The following TUSC3 variants were observed in gnomAD, a reference collection of about 807,000 sequenced individuals.
TUSC3 encodes tumor suppressor candidate 3, also known as dolichyl-diphosphooligosaccharide--protein glycosyltransferase subunit TUSC3.
A neutral mutation model predicts 44.8 loss-of-function variants in TUSC3; 45 were observed. The observed-to-expected ratio is 1.00, with a 90% CI of 0.79 to 1.29. TUSC3 has a LOEUF of 1.29. Among genes scored for constraint, TUSC3 ranks in the 50% most tolerant of loss-of-function variants. TUSC3 has a pLI of 0.00. For synonymous variants in TUSC3, 212 were observed against 152.9 expected (o/e 1.39, Z -2.85); for missense variants, 519 against 437.9 (o/e 1.19, Z -1.65).
chr8:15,444,836 C>A lies in TUSC3; in HGVS notation n.91+27531C>A, dbSNP rs189782352. Reference sequence around the variant, plus strand: ...GTGAGGCAAGTGGATACTATTTCTTCTTTCCCTCATCTTTCCATTTGTTGG... The same window carrying A: ...GTGAGGCAAGTGGATACTATTTCTTATTTCCCTCATCTTTCCATTTGTTGG... On this transcript the variant is annotated intron_variant and non_coding_transcript_variant, in intron 1 of 5. Coordinates refer to the TUSC3 transcript ENST00000503191. Among the ~76,000 whole-genome samples, 543 of 152,288 alleles carry A rather than the reference C, an allele frequency of 3.6e-3. 2 individuals are homozygous for A. Among genetic ancestry groups the A allele is most frequent in the Non-Finnish European group, 6.3e-3 (430 of 68,026 alleles).
At chr8:15,455,007 A>T (rs1412227647) in intron 1 of TUSC3, among the ~76,000 whole-genome samples, 2 of 152,284 alleles carry the variant, frequency 1.3e-5, no homozygotes, top group South Asian at 2.1e-4. Flanking sequence ...ACCATGGGGA[A>T]TCTTAGGGGT....
At chr8:15,536,341 A>T (rs1346724033), upstream of TUSC3, among the ~76,000 whole-genome samples, 1 of 152,166 alleles carries the variant, frequency 6.6e-6, no homozygotes, top group Non-Finnish European at 1.5e-5. Context: ...AATACTTTAC[A>T]CTGATTTATG....
chr8:15,806,301 T>A, the TUSC3 span: 1 of 690,590 alleles, frequency 1.4e-6, no homozygotes, highest in Non-Finnish European at 2.8e-6. Flanking sequence ...GTACACCACA[T>A]GGACTAAGTC....
In TUSC3 at chr8:15,689,036, G is replaced by A. The variant is rs79656871; in HGVS notation, c.798+15200G>A. 3.1e-3 allele frequency: 942 copies of A among 307,084 alleles called. 22 individuals carry two copies. The East Asian group carries it at 0.037, about 12-fold the overall frequency. The allele number at this position is 307,084 out of a possible 1,614,324, so 19.0% of individuals were successfully genotyped here. Reference sequence around the variant, plus strand: ...GGGCCACCTGTTACCACCCAGTGCAGGGGGATGACTCGTCAATGTCATTTA... The same window carrying A: ...GGGCCACCTGTTACCACCCAGTGCAAGGGGATGACTCGTCAATGTCATTTA... On this transcript the variant is annotated intron_variant, in intron 6 of 10. Coordinates refer to ENST00000503731, the MANE Select transcript of TUSC3 (RefSeq NM_006765.4).
chr8:15,717,423 C>T (rs1227285913), intron 6 of TUSC3, among the ~76,000 whole-genome samples: 1 of 151,936 alleles, frequency 6.6e-6, no homozygotes, highest in African/African-American at 2.4e-5. Flanking sequence ...TGATTTTGTT[C>T]ATAGAAATGT....
chr8:15,543,409 T>A (rs1801754491), intron 1 of TUSC3, among the ~76,000 whole-genome samples: 1 of 152,090 alleles, frequency 6.6e-6, no homozygotes, highest in Non-Finnish European at 1.5e-5. Context: ...AATACCACCA[T>A]GGATGGATTT....
At chr8:15,833,475 T>C in the TUSC3 span, among the ~76,000 whole-genome samples, 1 of 152,130 alleles carries the variant, frequency 6.6e-6, no homozygotes, top group Non-Finnish European at 1.5e-5. Context: ...CCAGCAACGG[T>C]AGACTGGATG....
intron 10 of TUSC3, among the ~76,000 whole-genome samples, chr8:15,759,362 C>A (rs140734593): frequency 6.6e-6 from 1 of 151,932 alleles, no homozygotes; most frequent in Non-Finnish European, 1.5e-5. Flanking sequence ...TATGTTCTGT[C>A]GAGCTGAGGA....
rs1585259760 is a variant in TUSC3, at chr8:15,715,617, T to G, written c.799-15049T>G. Among the ~76,000 whole-genome samples the G allele has an allele frequency of 2.0e-5, 3 of 152,100 alleles. No homozygotes were observed. In the South Asian group the frequency reaches 6.2e-4, roughly 32 times the overall value. On this transcript the variant is annotated intron_variant, in intron 6 of 10. Coordinates refer to ENST00000503731, the MANE Select transcript of TUSC3 (RefSeq NM_006765.4). ...TTTTCCATTGAATATTTTTGGACTG[T>G]AGTTGACAGCAGGTAACCGATACCA... is the stretch of plus-strand genomic sequence containing the variant.
rs577732229 is a variant in TUSC3 at position 15,650,937 on chromosome 8, C to G, written c.426+123C>G. The G allele has an allele frequency of 1.1e-5, 10 of 950,372 alleles. No homozygotes were observed. The South Asian group carries it at 1.3e-4, about 13-fold the overall frequency. 58.9% of individuals were successfully genotyped at this position (950,372 alleles called of 1,614,324 possible). The stretch of plus-strand genomic sequence containing the variant: ...CCTGGGAGGCGGAGGTTGCAGTGAG[C>G]CGAGATTGTGCCACTGCATTCCAGG... On this transcript the variant is annotated intron_variant, in intron 3 of 10. Transcript: ENST00000503731.
In TUSC3 at chr8:15,638,544, A is replaced by T. The variant is rs1274019969; in HGVS notation, c.309-12153A>T. Among the ~76,000 whole-genome samples, 18 of 121,184 alleles carry T rather than the reference A, an allele frequency of 1.5e-4. 1 individual carries two copies. In the South Asian group the frequency reaches 4.5e-3, roughly 31 times the overall value. The allele number at this position is 121,184 out of a possible 152,430, so 79.5% of individuals were successfully genotyped here. On this transcript the variant is annotated intron_variant, in intron 2 of 10. Transcript: ENST00000503731. ...TTTTTTTTTTTTTTTTTTTTTGGAG[A>T]CAAGAGTCTCACTCTGTTGCCCATG...
At chr8:15,802,612 C>T in the TUSC3 span, among the ~76,000 whole-genome samples, 1 of 151,718 alleles carries the variant, frequency 6.6e-6, no homozygotes, top group African/African-American at 2.4e-5. Flanking sequence ...CATTTTTCCT[C>T]AAGAGGGGCA....
intron 2 of TUSC3, among the ~76,000 whole-genome samples, chr8:15,505,481 C>G (rs1801039630): frequency 6.6e-6 from 1 of 152,142 alleles, no homozygotes; most frequent in South Asian, 2.1e-4. Flanking sequence ...TTGGTAAAAT[C>G]TCCAGCAGGG....
intron 10 of TUSC3, among the ~76,000 whole-genome samples, chr8:15,759,002 C>A (rs1259809619): frequency 6.6e-6 from 1 of 152,086 alleles, no homozygotes; most frequent in Non-Finnish European, 1.5e-5. Context: ...GAGAAGAGAG[C>A]CCCAGGACTT....
At chr8:15,770,713 G>C (rs1812426795), downstream of TUSC3, among the ~76,000 whole-genome samples, 1 of 152,164 alleles carries the variant, frequency 6.6e-6, no homozygotes, top group East Asian at 1.9e-4. Flanking sequence ...CTTGAAGCTA[G>C]GTCAGTTGTT....
At chr8:15,781,409 T>C in the TUSC3 span, among the ~76,000 whole-genome samples, 1 of 151,884 alleles carries the variant, frequency 6.6e-6, no homozygotes, top group Non-Finnish European at 1.5e-5. Flanking sequence ...GGACAAACAA[T>C]GAAGAGACCC....
At chr8:15,442,655 C>T (rs1020715854) in intron 1 of TUSC3, among the ~76,000 whole-genome samples, 1 of 152,148 alleles carries the variant, frequency 6.6e-6, no homozygotes, top group Non-Finnish European at 1.5e-5. Flanking sequence ...TCCCCCAACC[C>T]CTTTGTTATT....
chr8:15,630,062 C>T (rs1805691202), intron 2 of TUSC3, among the ~76,000 whole-genome samples: 1 of 152,076 alleles, frequency 6.6e-6, no homozygotes, highest in South Asian at 2.1e-4. Context: ...TTCATAATTG[C>T]TAACTCTTTT....
chr8:15,643,630 C>T (rs1806486851), intron 2 of TUSC3, among the ~76,000 whole-genome samples: 1 of 151,186 alleles, frequency 6.6e-6, no homozygotes, highest in South Asian at 2.1e-4. Context: ...GAAACACAAC[C>T]TCTTTATCTT....
Sources: allele counts gnomAD v4.1 joint callset (sites outside exome capture counted in the v4.1 genomes callset), GRCh38; gene constraint gnomAD v4.1.1; transcripts MANE v1.5; gene names NCBI Gene and HGNC (gene_info 2026-07-23, HGNC 2026-07-21).